The following PPM1H variants were observed in gnomAD, a reference collection of about 807,000 sequenced individuals.
The protein encoded by PPM1H is protein phosphatase, Mg2+/Mn2+ dependent 1H.
A neutral mutation model predicts 54.9 loss-of-function variants in PPM1H; 27 were observed. That is an observed-to-expected ratio of 0.49 (90% confidence interval 0.36 to 0.68). The LOEUF (loss-of-function observed/expected upper bound fraction) is 0.68, where lower values mean the gene tolerates loss of function less well. Among genes scored for constraint, PPM1H ranks in the 30% least tolerant of loss-of-function variants. PPM1H has a pLI of 0.00. For synonymous variants in PPM1H, 305 were observed against 270.8 expected, an observed-to-expected ratio of 1.13 and a Z score of -1.24; for missense variants, 596 against 667.8, an observed-to-expected ratio of 0.89 and a Z score of 1.19.
At chr12:62,860,666 A>C (rs1162152437) in intron 1 of PPM1H, among the ~76,000 whole-genome samples, 6 of 152,188 alleles carry the variant, frequency 3.9e-5, no homozygotes, top group Non-Finnish European at 7.4e-5. Context: ...CGCATCTCCT[A>C]CAACTCAGTG....
intron 5 of PPM1H, among the ~76,000 whole-genome samples, chr12:62,724,365 C>G (rs2076278692): frequency 6.6e-6 from 1 of 152,212 alleles, no homozygotes; most frequent in Admixed American, 6.5e-5. Context: ...TGCCTCCTAA[C>G]AGGAGGATGA....
intron 3 of PPM1H, among the ~76,000 whole-genome samples, chr12:62,798,318 C>G (rs920839675): frequency 6.6e-6 from 1 of 152,164 alleles, no homozygotes; most frequent in African/African-American, 2.4e-5. Flanking sequence ...CAACACTTTG[C>G]GTGAGGTAAG....
At position 62,802,070 on chromosome 12, in the gene PPM1H, G is replaced by A. The variant is rs1375802625; in HGVS notation, c.502C>T (p.His168Tyr). ...AAVVASRLLQ[H>Y]HITEQLQDIV... ...TCCTGCAGCTGCTCCGTGATGTGGT[G>A]CTGCAGCAGGCGTGACGCCACCACC... Residue 168 changes from histidine to tyrosine, a missense_variant, in exon 3 of 10, where the codon CAC becomes TAC. Coordinates refer to ENST00000228705, the MANE Select transcript of PPM1H (RefSeq NM_020700.2). 2 of 1,612,994 alleles carry A rather than the reference G, an allele frequency of 1.2e-6. No individual in the cohort carries two copies. Among genetic ancestry groups the A allele is most frequent in the Admixed American group, 1.7e-5 (1 of 59,998 alleles).
intron 1 of PPM1H, among the ~76,000 whole-genome samples, chr12:62,865,890 C>T (rs1730258422): frequency 6.6e-6 from 1 of 152,136 alleles, no homozygotes; most frequent in Admixed American, 6.5e-5. Context: ...AGTTAAACAC[C>T]CAAATTGTTC....
chr12:62,654,243 C>CAAAAAAAAA (rs1592525515), intron 9 of PPM1H, among the ~76,000 whole-genome samples: 2 of 62,328 alleles, frequency 3.2e-5, no homozygotes, highest in African/African-American at 5.6e-5. Flanking sequence ...AAAAAAAAAG[C>CAAAAAAAAA]AACACCTGAA....
At chr12:62,728,064 G>A (rs1470673658) in intron 5 of PPM1H, among the ~76,000 whole-genome samples, 2 of 152,128 alleles carry the variant, frequency 1.3e-5, no homozygotes, top group Non-Finnish European at 2.9e-5. Flanking sequence ...TTCCTTCAAG[G>A]AAACATAACA....
At chr12:62,862,127 A>T (rs1300544639) in intron 1 of PPM1H, among the ~76,000 whole-genome samples, 1 of 152,194 alleles carries the variant, frequency 6.6e-6, no homozygotes, top group East Asian at 1.9e-4. Flanking sequence ...AAAATTGTGC[A>T]GAGAGCAAAG....
At chr12:62,831,697 T>TTGTGTGTGTGTG (rs1225248619) in intron 2 of PPM1H, among the ~76,000 whole-genome samples, 441 of 149,570 alleles carry the variant, frequency 2.9e-3, no homozygotes, top group Admixed American at 5.5e-3. Flanking sequence ...CCGTCAAACA[T>TTGTGTGTGTGTG]TGTGTGTGTA....
intron 6 of PPM1H, 97 bp downstream of exon 6, chr12:62,720,074 G>T: frequency 9.4e-7 from 1 of 1,063,334 alleles, no homozygotes; most frequent in Non-Finnish European, 1.4e-6. Context: ...CTCTGGCTGT[G>T]CTTCCTGATC....
intron 5 of PPM1H, among the ~76,000 whole-genome samples, chr12:62,734,108 A>G (rs1185770920): frequency 4.6e-5 from 7 of 151,484 alleles, no homozygotes; most frequent in Non-Finnish European, 8.8e-5. Context: ...TCCAGGGAGC[A>G]TCCTTGTGCC....
chr12:62,776,521 A>C (rs1181170285), intron 4 of PPM1H, among the ~76,000 whole-genome samples: 1 of 152,204 alleles, frequency 6.6e-6, no homozygotes, highest in Non-Finnish European at 1.5e-5. Flanking sequence ...GTCTGGCATG[A>C]GGCATATTTG....
chr12:62,738,676 A>C (rs1017448877), intron 4 of PPM1H, among the ~76,000 whole-genome samples: 1 of 152,088 alleles, frequency 6.6e-6, no homozygotes, highest in African/African-American at 2.4e-5. Context: ...ATTGCATTCT[A>C]TATGAACCCA....
intron 5 of PPM1H, among the ~76,000 whole-genome samples, chr12:62,727,348 T>C (rs1457718313): frequency 6.6e-6 from 1 of 152,240 alleles, no homozygotes; most frequent in East Asian, 1.9e-4. Context: ...ACATAGTGAT[T>C]ATTTAAACTA....
At chr12:62,653,833 G>A (rs2075828684) in intron 9 of PPM1H, among the ~76,000 whole-genome samples, 1 of 152,114 alleles carries the variant, frequency 6.6e-6, no homozygotes, top group African/African-American at 2.4e-5. Context: ...ATCAGGGCAG[G>A]GGAGGGCCCT....
chr12:62,723,589 C>G (rs1489894675), intron 5 of PPM1H, among the ~76,000 whole-genome samples: 1 of 152,150 alleles, frequency 6.6e-6, no homozygotes, highest in Non-Finnish European at 1.5e-5. Context: ...CCACCTTCTG[C>G]CATGTGAAAA....
intron 9 of PPM1H, among the ~76,000 whole-genome samples, chr12:62,656,021 A>G (rs1419903794): frequency 6.6e-6 from 1 of 152,238 alleles, no homozygotes; most frequent in African/African-American, 2.4e-5. Context: ...ATGGAAAACA[A>G]AAAGGAAGAG....
chr12:62,801,897 G>T lies in PPM1H; in HGVS notation c.675C>A (p.Pro225=). ...TCTTCTCGGTAAAGAAGCGTGTGGG[G>T]GGCGTGCTGGGGGAGCCCGGGGCCC... ...GVGAPGSPST[P]PTRFFTEKKI... The change falls in exon 3 of 10, where the codon CCC becomes CCA. Residue 225 remains proline, a synonymous_variant. Transcript: ENST00000228705. 1 of 1,613,788 alleles carries T rather than the reference G, an allele frequency of 6.2e-7. No homozygotes were observed. Among genetic ancestry groups the T allele is most frequent in the Non-Finnish European group, 8.5e-7 (1 of 1,179,772 alleles).
At chr12:62,649,383 T>C (rs777468157) in intron 9 of PPM1H, among the ~76,000 whole-genome samples, 3 of 152,162 alleles carry the variant, frequency 2.0e-5, no homozygotes, top group East Asian at 1.9e-4. Flanking sequence ...GGAGAAAGAA[T>C]GACACTGTAA....
chr12:62,696,160 G>C (rs2076114143), intron 6 of PPM1H, among the ~76,000 whole-genome samples: 1 of 152,182 alleles, frequency 6.6e-6, no homozygotes, highest in Non-Finnish European at 1.5e-5. Context: ...TAGAGAAGTA[G>C]TAAGAAAACT....
Sources: gnomAD v4.1 joint callset for allele counts (sites outside exome capture counted in the v4.1 genomes callset) on GRCh38, gnomAD v4.1.1 for gene constraint, MANE v1.5 for transcripts, NCBI Gene and HGNC (gene_info 2026-07-23, HGNC 2026-07-21) for gene names.